ARHGAP18: variants seen among roughly 807,000 people sequenced by gnomAD.
ARHGAP18 encodes the protein rho GTPase-activating protein 18.
Under a neutral mutation model 86.2 loss-of-function variants are expected in ARHGAP18, and 67 were observed. The observed-to-expected ratio is 0.78, with a 90% CI of 0.64 to 0.95. ARHGAP18 has a LOEUF of 0.95. Among genes scored for constraint, ARHGAP18 ranks in the 40% least tolerant of loss-of-function variants. The pLI is 0.00. For synonymous variants in ARHGAP18, 283 were observed against 280.4 expected, an observed-to-expected ratio of 1.01 and a Z score of -0.09; for missense variants, 691 against 780.4, an observed-to-expected ratio of 0.89 and a Z score of 1.37.
intron 1 of ARHGAP18, among the ~76,000 whole-genome samples, chr6:129,693,766 T>C (rs534795887): frequency 8.9e-4 from 128 of 144,452 alleles, no homozygotes; most frequent in African/African-American, 2.9e-3. Flanking sequence ...AGTTATTTCA[T>C]GTACCTGAGT....
At chr6:129,695,156 A>G (rs990510199) in intron 1 of ARHGAP18, among the ~76,000 whole-genome samples, 3 of 152,246 alleles carry the variant, frequency 2.0e-5, no homozygotes, top group African/African-American at 7.2e-5. Context: ...TCTAGGTCAA[A>G]AAAAATTTGG....
At chr6:129,662,853 G>C (rs1773978807) in intron 1 of ARHGAP18, among the ~76,000 whole-genome samples, 2 of 152,146 alleles carry the variant, frequency 1.3e-5, no homozygotes, top group Non-Finnish European at 2.9e-5. Flanking sequence ...TTCCTAATAA[G>C]AAACTTAAAA....
rs915957085 is a variant in ARHGAP18, at chr6:129,666,729, G to C, written c.114-24711C>G. Among the ~76,000 whole-genome samples the C allele has an allele frequency of 3.9e-5, 6 of 152,148 alleles. No individual in the cohort carries two copies. The South Asian group carries it at 6.2e-4, about 16-fold the overall frequency. On this transcript the variant is annotated intron_variant, in intron 1 of 14. Transcript: ENST00000368149. ...TATACCTGCACATACAGACACCAATGCTTCTTAGAAGTAGAGATCAAAAAC... is the reference window on the plus strand; with the variant it reads ...TATACCTGCACATACAGACACCAATCCTTCTTAGAAGTAGAGATCAAAAAC...
chr6:129,586,934 T>G (rs1584023147), intron 12 of ARHGAP18, among the ~76,000 whole-genome samples: 1 of 152,160 alleles, frequency 6.6e-6, no homozygotes, highest in Non-Finnish European at 1.5e-5. Flanking sequence ...GAACCTTCCA[T>G]GCTCCACAGA....
chr6:129,662,385 T>G lies in ARHGAP18; in HGVS notation c.114-20367A>C, dbSNP rs140358368. On this transcript the variant is annotated intron_variant, in intron 1 of 14. Transcript: ENST00000368149. The stretch of plus-strand genomic sequence containing the variant: ...ACTCAGTGTAAACACACTCTCTCCT[T>G]TTGAAGTGGGTGCAATTTGTCTATT... Among the ~76,000 whole-genome samples the G allele has an allele frequency of 4.2e-3, 641 of 152,356 alleles. 7 individuals are homozygous for G. The highest frequency in any genetic ancestry group is 0.015 in the African/African-American group (610 of 41,594).
intron 10 of ARHGAP18, among the ~76,000 whole-genome samples, 163 bp downstream of exon 10, chr6:129,605,714 T>C (rs1190150145): frequency 6.6e-6 from 1 of 152,188 alleles, no homozygotes; most frequent in Admixed American, 6.5e-5. Context: ...AACAACCTCA[T>C]AAAGAGTTAA....
intron 1 of ARHGAP18, among the ~76,000 whole-genome samples, chr6:129,675,496 G>C (rs141993381): frequency 6.6e-6 from 1 of 152,088 alleles, no homozygotes; most frequent in Non-Finnish European, 1.5e-5. Context: ...AGGTGTGGGC[G>C]GGTGTTGGAG....
chr6:129,658,990 C>T (rs1773896262), intron 1 of ARHGAP18, among the ~76,000 whole-genome samples: 2 of 152,138 alleles, frequency 1.3e-5, no homozygotes, highest in African/African-American at 4.8e-5. Context: ...TTAGTAACTA[C>T]ATTTACAAAA....
Position 129,577,809 on chromosome 6 carries a change from G to A in ARHGAP18, c.*704C>T, listed in dbSNP as rs1004383302. The A allele has an allele frequency of 6.6e-6, 1 of 151,978 alleles. No homozygotes were observed. Among genetic ancestry groups the A allele is most frequent in the South Asian group, 2.1e-4 (1 of 4,824 alleles). 9.4% of individuals were successfully genotyped at this position (151,978 alleles called of 1,614,324 possible). On this transcript the variant is annotated 3_prime_UTR_variant, in exon 15 of 15. Coordinates refer to ENST00000368149, the MANE Select transcript of ARHGAP18 (RefSeq NM_033515.3). ...CATGGGTATATTTTATTTATTCTTAGTATATAAGTATTTAATGGTTCAGTA... is the reference window on the plus strand; with the variant it reads ...CATGGGTATATTTTATTTATTCTTAATATATAAGTATTTAATGGTTCAGTA...
rs1789037307 is a variant in ARHGAP18 at position 129,613,955 on chromosome 6, T to C, written c.1044+2257A>G. Among the ~76,000 whole-genome samples, 5 of 139,272 alleles carry C rather than the reference T, an allele frequency of 3.6e-5. No individual in the cohort carries two copies. The South Asian group carries it at 1.0e-3, about 29-fold the overall frequency. The allele number at this position is 139,272 out of a possible 152,430, so 91.4% of individuals were successfully genotyped here. On this transcript the variant is annotated intron_variant, in intron 7 of 14. Transcript: ENST00000368149. ...AAATGAAATGAAAACACAGACTCTT[T>C]GACACAAAGTATGGCTGAGTTGGCT...
intron 5 of ARHGAP18, among the ~76,000 whole-genome samples, chr6:129,624,573 G>A (rs947928450): frequency 2.6e-5 from 4 of 151,796 alleles, no homozygotes; most frequent in Admixed American, 6.6e-5. Flanking sequence ...GGATAGTCTG[G>A]CAGAGTGGAT....
At chr6:129,610,756 T>C (rs769054642) in intron 8 of ARHGAP18, among the ~76,000 whole-genome samples, 5 of 152,218 alleles carry the variant, frequency 3.3e-5, no homozygotes, top group Non-Finnish European at 7.4e-5. Context: ...GCCTCCTGAG[T>C]AGCTGGGATT....
intron 1 of ARHGAP18, among the ~76,000 whole-genome samples, chr6:129,675,866 C>A (rs1774223823): frequency 6.6e-6 from 1 of 152,198 alleles, no homozygotes; most frequent in African/African-American, 2.4e-5. Flanking sequence ...CCAAGAGCCA[C>A]TTCACTCCAC....
chr6:129,624,374 T>A (rs9402151), intron 5 of ARHGAP18, among the ~76,000 whole-genome samples: 1 of 151,204 alleles, frequency 6.6e-6, no homozygotes, highest in Non-Finnish European at 1.5e-5. Flanking sequence ...ACTAAAAATA[T>A]AAAAAATTAG....
At chr6:129,597,726 G>T (rs1423263965) in intron 12 of ARHGAP18, among the ~76,000 whole-genome samples, 1 of 143,930 alleles carries the variant, frequency 6.9e-6, no homozygotes, top group Non-Finnish European at 1.5e-5. Context: ...TTCACATAAG[G>T]AAAGAAAAAA....
Position 129,576,368 on chromosome 6 carries a change from G to A in ARHGAP18, c.*2145C>T, listed in dbSNP as rs1268377646. 2 of 152,202 alleles carry A rather than the reference G, an allele frequency of 1.3e-5. No homozygotes were observed. The highest frequency in any genetic ancestry group is 3.8e-4 in the East Asian group (2 of 5,198). 9.4% of individuals were successfully genotyped at this position (152,202 alleles called of 1,614,324 possible). On this transcript the variant is annotated 3_prime_UTR_variant, in exon 15 of 15. Transcript: ENST00000368149. ...CCTAGCTACTCACGAGGCTGAGGCA[G>A]GAGGTTTGCTTGAGCCCCAGTGCTT...
intron 1 of ARHGAP18, among the ~76,000 whole-genome samples, chr6:129,655,337 A>AAAAGAAAAG (rs1773809606): frequency 1.0e-5 from 1 of 98,700 alleles, no homozygotes; most frequent in African/African-American, 4.6e-5. Context: ...AAAAAAAAAA[A>AAAAGAAAAG]AAAAGAAAAG....
chr6:129,637,848 C>T (rs1773366281), intron 3 of ARHGAP18, among the ~76,000 whole-genome samples: 1 of 152,150 alleles, frequency 6.6e-6, no homozygotes, highest in Non-Finnish European at 1.5e-5. Context: ...TCATTCTTTA[C>T]CCAATTAAAT....
At chr6:129,581,608 T>A (rs6569610) in intron 13 of ARHGAP18, among the ~76,000 whole-genome samples, 42,267 of 152,082 alleles carry the variant, frequency 0.28, 6,152 homozygotes, top group South Asian at 0.4. Flanking sequence ...GATTTCCTGG[T>A]ATATTCAGAT....
Sources: gnomAD v4.1 joint callset for allele counts (sites outside exome capture counted in the v4.1 genomes callset) on GRCh38, gnomAD v4.1.1 for gene constraint, MANE v1.5 for transcripts, NCBI Gene and HGNC (gene_info 2026-07-23, HGNC 2026-07-21) for gene names.